Variants in UTP20 observed in about 807,000 individuals in gnomAD.
The protein encoded by UTP20 is small subunit processome component 20 homolog.
UTP20 carries 164 observed loss-of-function variants against 329.5 expected under a neutral mutation model. The ratio of observed to expected loss-of-function variants is 0.50; its 90% CI spans 0.44 to 0.57. UTP20 has a LOEUF of 0.57. UTP20 is among the 20% of genes least tolerant of loss of function. The pLI is 0.00. For missense variants in UTP20, 3,055 were observed against 3,284.2 expected (o/e 0.93, Z 1.71); for synonymous variants, 1,151 against 1,159.3 (o/e 0.99, Z 0.14).
intron 29 of UTP20, among the ~76,000 whole-genome samples, chr12:101,337,722 A>G (rs1016161286): frequency 6.6e-6 from 1 of 152,244 alleles, no homozygotes; most frequent in Non-Finnish European, 1.5e-5. Context: ...CATTGGAATT[A>G]GATTGTGATT....
chr12:101,362,067 C>G lies in UTP20; in HGVS notation c.5790+7C>G. On this transcript the variant is annotated splice_region_variant and intron_variant, in intron 44 of 61. Coordinates refer to ENST00000261637, the MANE Select transcript of UTP20 (RefSeq NM_014503.3). ...TTTAGATATAATGATTGAGGTAAGA[C>G]TTACAGAAACGAATTCTAATTTTTT... The G allele has an allele frequency of 6.2e-7, 1 of 1,602,642 alleles. No homozygotes were observed. The highest frequency in any genetic ancestry group is 8.5e-7 in the Non-Finnish European group (1 of 1,174,212).
intron 38 of UTP20, among the ~76,000 whole-genome samples, chr12:101,348,715 T>G (rs1368703895): frequency 6.6e-6 from 1 of 150,416 alleles, no homozygotes; most frequent in Non-Finnish European, 1.5e-5. Flanking sequence ...TTTCCTTTTT[T>G]TGTGTGTATG....
In UTP20 at chr12:101,386,203, G is replaced by T. The variant is rs576432823; in HGVS notation, c.*80G>T. On this transcript the variant is annotated 3_prime_UTR_variant, in exon 62 of 62. Coordinates refer to ENST00000261637, the MANE Select transcript of UTP20 (RefSeq NM_014503.3). ...AATTACAGTAGGTTGTCTGGGGTAG[G>T]GGGGAGGCGTTTTTTTTTTTTTTTG... The T allele has an allele frequency of 6.4e-6, 9 of 1,406,870 alleles. No homozygotes were observed. The highest frequency in any genetic ancestry group is 7.7e-6 in the Non-Finnish European group (8 of 1,034,084). The allele number at this position is 1,406,870 out of a possible 1,614,324, so 87.1% of individuals were successfully genotyped here.
intron 11 of UTP20, among the ~76,000 whole-genome samples, chr12:101,294,308 A>G (rs1411236331): frequency 8.6e-5 from 13 of 151,434 alleles, no homozygotes. Flanking sequence ...TTTTTCTTAT[A>G]TTTACTTTAT....
At chr12:101,379,635 C>T in intron 57 of UTP20, 77 bp downstream of exon 57, 2 of 1,471,006 alleles carry the variant, frequency 1.4e-6, no homozygotes, top group Non-Finnish European at 1.8e-6. Context: ...TATCTTCGGG[C>T]CAGCCCTTGG....
intron 19 of UTP20, among the ~76,000 whole-genome samples, 165 bp downstream of exon 19, chr12:101,310,004 A>G (rs907697744): frequency 4.6e-5 from 7 of 152,144 alleles, no homozygotes; most frequent in African/African-American, 1.7e-4. Context: ...ATAAACATGA[A>G]TTATTCTCTC....
intron 59 of UTP20, 87 bp from the exon 60 acceptor site, chr12:101,383,456 G>A (rs1565810846): frequency 1.8e-5 from 27 of 1,534,508 alleles, no homozygotes; most frequent in Non-Finnish European, 2.4e-5. Context: ...AAAATAGACT[G>A]AGCCCTGTTT....
At chr12:101,310,315 C>G (rs182029034) in intron 19 of UTP20, among the ~76,000 whole-genome samples, 1 of 152,026 alleles carries the variant, frequency 6.6e-6, no homozygotes, top group Non-Finnish European at 1.5e-5. Flanking sequence ...GTGACTCATG[C>G]CTGTAATCCC....
chr12:101,303,644 A>G (rs1198791305), intron 15 of UTP20, among the ~76,000 whole-genome samples: 2 of 152,194 alleles, frequency 1.3e-5, no homozygotes, highest in Admixed American at 6.5e-5. Context: ...AGAAGAGGAC[A>G]GAGAGGTGGA....
intron 21 of UTP20, 122 bp downstream of exon 21, chr12:101,312,398 C>A: frequency 7.5e-7 from 1 of 1,332,922 alleles, no homozygotes; most frequent in Non-Finnish European, 1.0e-6. Context: ...TGCTTCCAAT[C>A]ATCCATTAGG....
intron 36 of UTP20, among the ~76,000 whole-genome samples, 193 bp from the exon 37 acceptor site, chr12:101,345,361 A>G (rs938757741): frequency 6.6e-6 from 1 of 150,986 alleles, no homozygotes; most frequent in African/African-American, 2.4e-5. Flanking sequence ...TGATTTTTGT[A>G]TTTTTTGTAG....
intron 43 of UTP20, among the ~76,000 whole-genome samples, 173 bp downstream of exon 43, chr12:101,357,255 A>T (rs976406761): frequency 6.6e-6 from 1 of 152,204 alleles, no homozygotes; most frequent in African/African-American, 2.4e-5. Context: ...TTGTTTAAAT[A>T]GTTCCTATAT....
rs536624029 is a variant in UTP20, at chr12:101,324,884, G to A, written c.3042-2197G>A. On this transcript the variant is annotated intron_variant, in intron 25 of 61. Coordinates refer to ENST00000261637, the MANE Select transcript of UTP20 (RefSeq NM_014503.3). The stretch of plus-strand genomic sequence containing the variant: ...TAAAGTGTTTTCATTTTATAACTAC[G>A]TTTTGTTCTTGTAGAGGGAATTTTC... Among the ~76,000 whole-genome samples the A allele has an allele frequency of 2.4e-3, 358 of 151,922 alleles. 1 individual carries two copies. Among genetic ancestry groups the A allele is most frequent in the African/African-American group, 8.3e-3 (345 of 41,412 alleles).
intron 21 of UTP20, among the ~76,000 whole-genome samples, chr12:101,317,048 G>A (rs1176078907): frequency 6.6e-6 from 1 of 152,132 alleles, no homozygotes; most frequent in Non-Finnish European, 1.5e-5. Flanking sequence ...ACTAAATTTT[G>A]TGGTGGTACT....
chr12:101,305,120 C>G (rs1252853594), intron 15 of UTP20, among the ~76,000 whole-genome samples: 1 of 151,962 alleles, frequency 6.6e-6, no homozygotes, highest in Non-Finnish European at 1.5e-5. Flanking sequence ...TTTGTCAAGC[C>G]TTTTTCCCCT....
intron 12 of UTP20, among the ~76,000 whole-genome samples, chr12:101,298,628 G>C (rs924273789): frequency 1.3e-5 from 2 of 152,082 alleles, no homozygotes; most frequent in African/African-American, 2.4e-5. Context: ...TAGAAAACGG[G>C]AATGACGTGG....
Position 101,327,226 on chromosome 12 carries a change from C to T in UTP20, c.3187C>T (p.Pro1063Ser). Reference sequence around the variant, plus strand: ...GATATTCTTAGACCTGCTGTTTGAACCTGTGAGGCATTTCAAGAATGGTAA... The same window carrying T: ...GATATTCTTAGACCTGCTGTTTGAATCTGTGAGGCATTTCAAGAATGGTAA... Reference protein sequence around the residue: ...IQIFLDLLFEPVRHFKNGECH... With the variant: ...IQIFLDLLFESVRHFKNGECH... The change falls in exon 26 of 62, where the codon CCT (proline) becomes TCT (serine). Residue 1063 changes from proline (P) to serine (S), a missense_variant. Physicochemically the swap from Pro to Ser is moderately conservative, Grantham distance 74. Around this residue, in one of 3 missense-constraint regions of UTP20, gnomAD observed 2,445 missense variants for 2,575.5 expected, o/e 0.95. Coordinates refer to ENST00000261637, the MANE Select transcript of UTP20 (RefSeq NM_014503.3). 1 of 1,596,602 alleles carries T rather than the reference C, an allele frequency of 6.3e-7. No individual in the cohort carries two copies. The highest frequency in any genetic ancestry group is 8.6e-7 in the Non-Finnish European group (1 of 1,166,248).
chr12:101,363,867 C>T (rs142591017), intron 45 of UTP20, 124 bp downstream of exon 45: 12 of 641,158 alleles, frequency 1.9e-5, no homozygotes, highest in Non-Finnish European at 3.0e-5. Context: ...GGTGATAGGG[C>T]CCCAGGACCA....
At chr12:101,295,345 T>C (rs1872313141) in intron 11 of UTP20, 135 bp from the exon 12 acceptor site, 1 of 757,534 alleles carries the variant, frequency 1.3e-6, no homozygotes, top group Admixed American at 3.1e-5. Flanking sequence ...GTCTTTAGTT[T>C]CCATTGTTCC....
Sources: allele counts gnomAD v4.1 joint callset (sites outside exome capture counted in the v4.1 genomes callset), GRCh38; gene constraint gnomAD v4.1.1; regional missense constraint gnomAD v4.1.1; transcripts MANE v1.5; gene names NCBI Gene and HGNC (gene_info 2026-07-23, HGNC 2026-07-21).